The following SLC4A7 variants were observed in gnomAD, a reference collection of about 807,000 sequenced individuals.
SLC4A7 encodes the protein solute carrier family 4 member 7.
Under a neutral mutation model 137.6 loss-of-function variants are expected in SLC4A7, and 51 were observed. That is an observed-to-expected ratio of 0.37 (90% CI 0.30 to 0.47). SLC4A7 has a LOEUF of 0.47. Ranked by LOEUF, SLC4A7 falls within the 20% of genes least tolerant of loss-of-function variation. The pLI is 1.00. For synonymous variants in SLC4A7, 542 were observed against 518.6 expected (o/e 1.05, Z -0.61); for missense variants, 1,247 against 1,525.4 (o/e 0.82, Z 3.04).
Position 27,431,479 on chromosome 3 carries a change from AG to A in SLC4A7, c.968del (p.Pro323LeufsTer6). 1 of 1,613,652 alleles carries A rather than the reference AG, an allele frequency of 6.2e-7. No individual in the cohort carries two copies. On this transcript the variant is annotated frameshift_variant, in exon 7 of 26. Transcript: ENST00000454389. LOFTEE classifies it high-confidence loss of function. Reference protein sequence around the residue: ...PTPQNSPPSSPSISRLTSRSS... With the variant: ...PTPQNSPPSSXSISRLTSRSS... ...TTCTGGAGGTCAGGCGGCTGATGCT[AG>A]GGCTAGAAGGAGGACTGTTTTGAGG...
chr3:27,481,999 G>C (rs1451921820), intron 1 of SLC4A7, among the ~76,000 whole-genome samples: 2 of 152,124 alleles, frequency 1.3e-5, no homozygotes, highest in Non-Finnish European at 2.9e-5. Context: ...CGAGTATGGT[G>C]GCACATGCCT....
chr3:27,443,425 T>C (rs1483045875), intron 3 of SLC4A7, among the ~76,000 whole-genome samples: 2 of 152,152 alleles, frequency 1.3e-5, no homozygotes, highest in Admixed American at 6.5e-5. Flanking sequence ...AATCTGGCTT[T>C]AGAGTTATCA....
Position 27,409,459 on chromosome 3 carries a change from A to G in SLC4A7, c.1838T>C (p.Leu613Ser), listed in dbSNP as rs1271390760. ...PFFLSDFKDALSLQCLASILF... is the reference protein window; with the variant it reads ...PFFLSDFKDASSLQCLASILF... Reference sequence around the variant, plus strand: ...AATCGAGGCCAGGCACTGCAGGCTTAATGCATCCTTGAAGTCACTCAAGAA... The same window carrying G: ...AATCGAGGCCAGGCACTGCAGGCTTGATGCATCCTTGAAGTCACTCAAGAA... The change falls in exon 13 of 26, where the codon TTA (leucine) becomes TCA (serine). Residue 613 changes from leucine to serine, a missense_variant. Coordinates refer to ENST00000454389, the MANE Select transcript of SLC4A7 (RefSeq NM_001321103.2). 25 of 1,613,898 alleles carry G rather than the reference A, an allele frequency of 1.5e-5. No individual in the cohort carries two copies. The highest frequency in any genetic ancestry group is 2.1e-5 in the Non-Finnish European group (25 of 1,179,814).
Position 27,391,811 on chromosome 3 carries a change from G to A in SLC4A7, c.3118-3C>T, listed in dbSNP as rs2051583113. On this transcript the variant is annotated splice_region_variant and splice_polypyrimidine_tract_variant and intron_variant, in intron 20 of 25. Transcript: ENST00000454389. ...TACAGAACAGGCATTGGAATAAACT[G>A]TAAATAAAATGAACACAATTAGAAC... is the stretch of plus-strand genomic sequence containing the variant. 6.4e-7 allele frequency: 1 copy of A among 1,566,272 alleles called. No individual in the cohort carries two copies. Among genetic ancestry groups the A allele is most frequent in the Non-Finnish European group, 8.7e-7 (1 of 1,145,410 alleles).
At position 27,467,453 on chromosome 3, in the gene SLC4A7, C is replaced by A. The variant is rs543973556; in HGVS notation, c.61-14955G>T. 2.0e-5 allele frequency among the ~76,000 whole-genome samples: 3 copies of A among 152,094 alleles called. No homozygotes were observed. In the East Asian group the frequency reaches 5.8e-4, roughly 29 times the overall value. On this transcript the variant is annotated intron_variant, in intron 1 of 25. Transcript: ENST00000454389. ...CAGTAACAGCTAATTAAATTGAAATCGCAGCAATAAGCAGCACAAATGTCA... is the reference window on the plus strand; with the variant it reads ...CAGTAACAGCTAATTAAATTGAAATAGCAGCAATAAGCAGCACAAATGTCA...
At chr3:27,473,405 T>C (rs1376484301) in intron 1 of SLC4A7, among the ~76,000 whole-genome samples, 1 of 152,022 alleles carries the variant, frequency 6.6e-6, no homozygotes, top group Non-Finnish European at 1.5e-5. Flanking sequence ...ACGACCCCTT[T>C]GAGAAATCAC....
At chr3:27,429,667 T>C (rs868442310) in intron 7 of SLC4A7, among the ~76,000 whole-genome samples, 14 of 151,514 alleles carry the variant, frequency 9.2e-5, no homozygotes, top group South Asian at 8.4e-4. Flanking sequence ...CTGGCCAACA[T>C]GGTGAAACCC....
chr3:27,394,285 C>T (rs1293506926), intron 20 of SLC4A7, among the ~76,000 whole-genome samples: 1 of 152,086 alleles, frequency 6.6e-6, no homozygotes, highest in Non-Finnish European at 1.5e-5. Context: ...TCCCAAATTG[C>T]TGGGATTACA....
intron 20 of SLC4A7, among the ~76,000 whole-genome samples, chr3:27,392,583 C>T (rs78280899): frequency 0.032 from 4,854 of 152,110 alleles, 263 homozygotes; most frequent in African/African-American, 0.11. Context: ...CTCAGCATTT[C>T]GGGAGGCTGA....
intron 25 of SLC4A7, among the ~76,000 whole-genome samples, chr3:27,378,357 C>G (rs1576038300): frequency 6.6e-6 from 1 of 152,044 alleles, no homozygotes; most frequent in African/African-American, 2.4e-5. Context: ...ATCTGATGCC[C>G]AAGCAGAATA....
chr3:27,425,716 A>G (rs1315774047), intron 7 of SLC4A7, among the ~76,000 whole-genome samples: 2 of 151,044 alleles, frequency 1.3e-5, no homozygotes, highest in Non-Finnish European at 2.9e-5. Context: ...ATTTAAATTC[A>G]AGTACACTAC....
chr3:27,462,844 T>A (rs901708062), intron 1 of SLC4A7: 5 of 152,256 alleles, frequency 3.3e-5, no homozygotes, highest in African/African-American at 1.2e-4. Flanking sequence ...GATTACGAGT[T>A]GGGTTTAAAA....
In SLC4A7 at chr3:27,373,176, C is replaced by G. The variant is rs1461329449; in HGVS notation, c.*3588G>C. On this transcript the variant is annotated 3_prime_UTR_variant, in exon 26 of 26. Coordinates refer to ENST00000454389, the MANE Select transcript of SLC4A7 (RefSeq NM_001321103.2). ...AAAACAAAACAAAACTGGGGTTTAA[C>G]AATTAAGTCAAATGTTCAATATGTG... The G allele has an allele frequency of 6.6e-6, 1 of 151,230 alleles. No homozygotes were observed. The highest frequency in any genetic ancestry group is 1.9e-4 in the East Asian group (1 of 5,142). The allele number at this position is 151,230 out of a possible 1,614,324, so 9.4% of individuals were successfully genotyped here. A position where few individuals can be genotyped will look rare whatever the true frequency, so the allele number is the denominator to read the frequency against.
chr3:27,413,066 TC>T (rs1422252488), intron 11 of SLC4A7, among the ~76,000 whole-genome samples: 1 of 152,026 alleles, frequency 6.6e-6, no homozygotes, highest in Non-Finnish European at 1.5e-5. Flanking sequence ...CAATAGACCT[TC>T]AGCTAATAAC....
chr3:27,392,229 T>A (rs1476297496), intron 20 of SLC4A7, among the ~76,000 whole-genome samples: 1 of 152,198 alleles, frequency 6.6e-6, no homozygotes, highest in African/African-American at 2.4e-5. Context: ...TATTAAGCAG[T>A]AGCCTTTACT....
intron 13 of SLC4A7, among the ~76,000 whole-genome samples, chr3:27,408,716 G>C (rs2053622729): frequency 1.3e-5 from 2 of 152,118 alleles, no homozygotes; most frequent in South Asian, 4.1e-4. Context: ...AAGCACCATA[G>C]CTCTGAATAC....
intron 1 of SLC4A7, among the ~76,000 whole-genome samples, chr3:27,461,817 C>A (rs1334206073): frequency 6.6e-6 from 1 of 151,346 alleles, no homozygotes; most frequent in African/African-American, 2.4e-5. Context: ...AAAAAATTAG[C>A]CGGGCACTGT....
chr3:27,449,950 C>T (rs2057953162), intron 2 of SLC4A7, among the ~76,000 whole-genome samples: 1 of 152,110 alleles, frequency 6.6e-6, no homozygotes, highest in African/African-American at 2.4e-5. Context: ...CATGGGATTC[C>T]ATATTTGCGA....
chr3:27,475,279 C>A (rs1391709154), intron 1 of SLC4A7, among the ~76,000 whole-genome samples: 2 of 151,124 alleles, frequency 1.3e-5, no homozygotes, highest in Non-Finnish European at 2.9e-5. Context: ...TTATTAATAG[C>A]AAGTTTCCAA....
Sources: allele counts gnomAD v4.1 joint callset (sites outside exome capture counted in the v4.1 genomes callset), GRCh38; gene constraint gnomAD v4.1.1; transcripts MANE v1.5; gene names NCBI Gene and HGNC (gene_info 2026-07-23, HGNC 2026-07-21).